The following SRP72 variants were observed in gnomAD, a reference collection of about 807,000 sequenced individuals.
The protein encoded by SRP72 is signal recognition particle 72, also known as signal recognition particle subunit SRP72.
Under a neutral mutation model 96.3 loss-of-function variants are expected in SRP72, and 49 were observed. That is an observed-to-expected ratio of 0.51 (90% CI 0.40 to 0.65). The LOEUF is 0.65. Among genes scored for constraint, SRP72 ranks in the 30% least tolerant of loss-of-function variants. The pLI is 0.00. For synonymous variants in SRP72, 267 were observed against 275.2 expected (o/e 0.97, Z 0.30); for missense variants, 736 against 793.3 (o/e 0.93, Z 0.87).
chr4:56,502,130 G>A lies in SRP72; in HGVS notation c.*269G>A. On this transcript the variant is annotated 3_prime_UTR_variant, in exon 19 of 19. Coordinates refer to ENST00000642900, the MANE Select transcript of SRP72 (RefSeq NM_006947.4). ...GGTATCTGTTGTATCCTTTATCTGT[G>A]TGTGCTGATTTGATCTTTTTTCAGT... is the stretch of plus-strand genomic sequence containing the variant. 2.7e-6 allele frequency: 1 copy of A among 370,198 alleles called. No individual in the cohort carries two copies. Among genetic ancestry groups the A allele is most frequent in the Non-Finnish European group, 5.1e-6 (1 of 196,396 alleles). The allele number at this position is 370,198 out of a possible 1,614,324, so 22.9% of individuals were successfully genotyped here. A position where few individuals can be genotyped will look rare whatever the true frequency, so the allele number is the denominator to read the frequency against.
intron 9 of SRP72, 42 bp downstream of exon 9, chr4:56,483,312 T>C: frequency 6.3e-7 from 1 of 1,587,314 alleles, no homozygotes; most frequent in South Asian, 1.1e-5. Flanking sequence ...CCTTTTGTAA[T>C]ATGGTATATG....
intron 16 of SRP72, among the ~76,000 whole-genome samples, chr4:56,491,892 G>T (rs1049161751): frequency 5.9e-5 from 9 of 151,798 alleles, no homozygotes; most frequent in African/African-American, 2.2e-4. Context: ...ACAGAGTCTT[G>T]CTCTGTCTCC....
chr4:56,477,578 C>T (rs1720297505), intron 6 of SRP72, among the ~76,000 whole-genome samples: 1 of 152,118 alleles, frequency 6.6e-6, no homozygotes, highest in Non-Finnish European at 1.5e-5. Context: ...CAGGCGTGAA[C>T]CACCATGCCC....
Position 56,489,445 on chromosome 4 carries a change from G to T in SRP72, c.1282G>T (p.Val428Phe), listed in dbSNP as rs1444933205. The T allele has an allele frequency of 1.9e-6, 3 of 1,601,440 alleles. No individual in the cohort carries two copies. The highest frequency in any genetic ancestry group is 1.7e-6 in the Non-Finnish European group (2 of 1,171,448). The change falls in exon 13 of 19, where the codon GTC (valine) becomes TTC (phenylalanine). Residue 428 changes from valine (V) to phenylalanine (F), a missense_variant. Val to Phe is a conservative substitution (Grantham distance 50). Coordinates refer to ENST00000642900, the MANE Select transcript of SRP72 (RefSeq NM_006947.4). The stretch of plus-strand genomic sequence containing the variant: ...AGAAGATATTGATAGTGCCATTGAG[G>T]TCTTCACACAAGCTATCCAGTGGTA... ...HEEDIDSAIEVFTQAIQWYQN... is the reference protein window; with the variant it reads ...HEEDIDSAIEFFTQAIQWYQN...
chr4:56,491,443 C>T lies in SRP72; in HGVS notation c.1515C>T (p.His505=), dbSNP rs746949663. 13 of 1,613,708 alleles carry T rather than the reference C, an allele frequency of 8.1e-6. No homozygotes were observed. The highest frequency in any genetic ancestry group is 2.2e-5 in the South Asian group (2 of 91,038). ...TGTTCTATCACAGTCTTAGTAAACA[C>T]TTGCCATCGTCAGATAGTATGTCTC... is the stretch of plus-strand genomic sequence containing the variant. ...DPEKAKALSK[H]LPSSDSMSLK... The change falls in exon 16 of 19, where the codon CAC becomes CAT. Residue 505 remains histidine (H), a synonymous_variant. Coordinates refer to ENST00000642900, the MANE Select transcript of SRP72 (RefSeq NM_006947.4).
intron 1 of SRP72, 27 bp downstream of exon 1, chr4:56,467,771 G>A (rs756109280): frequency 8.4e-6 from 12 of 1,434,022 alleles, no homozygotes; most frequent in Non-Finnish European, 1.1e-5. Flanking sequence ...GCACTGGGGC[G>A]GGCCCAGGCC....
intron 1 of SRP72, among the ~76,000 whole-genome samples, chr4:56,468,970 C>G (rs191694095): frequency 4.6e-5 from 7 of 152,282 alleles, no homozygotes; most frequent in Middle Eastern, 3.4e-3. Context: ...TAACACCGAA[C>G]AGTTGTTAGC....
chr4:56,468,216 C>T (rs1425816739), intron 1 of SRP72, among the ~76,000 whole-genome samples: 1 of 152,118 alleles, frequency 6.6e-6, no homozygotes, highest in Admixed American at 6.5e-5. Context: ...GAGGCTGGTG[C>T]TAACCAGGTG....
chr4:56,487,281 A>C (rs1720747241), intron 11 of SRP72, among the ~76,000 whole-genome samples: 1 of 152,136 alleles, frequency 6.6e-6, no homozygotes, highest in Non-Finnish European at 1.5e-5. Context: ...GTAGGGCAAT[A>C]ATGAAAATAA....
In SRP72 at chr4:56,475,378, T is replaced by A. The variant is rs530200781; in HGVS notation, c.610+987T>A. Reference sequence around the variant, plus strand: ...TTCAAGACCAGCCTGGGTAATATAGTAAGCCTTCGTTTTTACAAAAAAAAA... The same window carrying A: ...TTCAAGACCAGCCTGGGTAATATAGAAAGCCTTCGTTTTTACAAAAAAAAA... On this transcript the variant is annotated intron_variant, in intron 5 of 18. Coordinates refer to ENST00000642900, the MANE Select transcript of SRP72 (RefSeq NM_006947.4). Among the ~76,000 whole-genome samples, 14 of 149,324 alleles carry A rather than the reference T, an allele frequency of 9.4e-5. No homozygotes were observed. The South Asian group carries it at 2.1e-3, about 23-fold the overall frequency.
Position 56,502,755 on chromosome 4 carries a change from A to T in SRP72, c.*894A>T, listed in dbSNP as rs1477859820. ...GAGAAGAAATCAGTATCTGAGTTGC[A>T]TACCAGGCAGTATTAAAATCTAACA... On this transcript the variant is annotated 3_prime_UTR_variant, in exon 19 of 19. Transcript: ENST00000642900. 6.6e-6 allele frequency: 1 copy of T among 152,132 alleles called. No homozygotes were observed. Among genetic ancestry groups the T allele is most frequent in the Admixed American group, 6.6e-5 (1 of 15,258 alleles). 9.4% of individuals were successfully genotyped at this position (152,132 alleles called of 1,614,324 possible).
chr4:56,483,019 G>A, intron 8 of SRP72, 120 bp from the exon 9 acceptor site: 2 of 821,596 alleles, frequency 2.4e-6, no homozygotes, highest in Non-Finnish European at 1.9e-6. Context: ...TATTAGCTTA[G>A]GCACCCCAAT....
At chr4:56,481,218 A>C (rs569170831) in intron 8 of SRP72, among the ~76,000 whole-genome samples, 2 of 152,356 alleles carry the variant, frequency 1.3e-5, no homozygotes, top group South Asian at 4.1e-4. Context: ...AAGAAAAAGT[A>C]GAATTTATTT....
At chr4:56,485,591 A>G (rs961022312) in intron 10 of SRP72, among the ~76,000 whole-genome samples, 2 of 152,078 alleles carry the variant, frequency 1.3e-5, no homozygotes, top group African/African-American at 2.4e-5. Context: ...ATCTGAGGTC[A>G]GGAGTTCAAG....
At chr4:56,487,418 T>C (rs1223898151) in intron 11 of SRP72, among the ~76,000 whole-genome samples, 1 of 152,136 alleles carries the variant, frequency 6.6e-6, no homozygotes, top group African/African-American at 2.4e-5. Flanking sequence ...TCCTCCTATG[T>C]TTAGTTTATT....
Position 56,483,119 on chromosome 4 carries a change from G to A in SRP72, c.826-20G>A, listed in dbSNP as rs371202952. On this transcript the variant is annotated intron_variant, in intron 8 of 18. Coordinates refer to ENST00000642900, the MANE Select transcript of SRP72 (RefSeq NM_006947.4). The stretch of plus-strand genomic sequence containing the variant: ...GAAATCTGAGATTCTGTTAATGATA[G>A]ATAAACTTTTCTTTGTTAGGACCAA... The A allele has an allele frequency of 2.8e-4, 444 of 1,603,454 alleles. 1 individual carries two copies. Among genetic ancestry groups the A allele is most frequent in the Non-Finnish European group, 3.5e-4 (414 of 1,175,650 alleles).
intron 1 of SRP72, among the ~76,000 whole-genome samples, chr4:56,469,428 T>G (rs1385781481): frequency 6.6e-6 from 1 of 152,230 alleles, no homozygotes; most frequent in Non-Finnish European, 1.5e-5. Flanking sequence ...ATTGAAAATT[T>G]AATCTATAAC....
In SRP72 at chr4:56,502,483, GTATATATATATACATA is replaced by G. The variant is rs1721297486; in HGVS notation, c.*635_*650del. The G allele has an allele frequency of 1.1e-5, 1 of 91,098 alleles. No homozygotes were observed. Among genetic ancestry groups the G allele is most frequent in the Admixed American group, 1.2e-4 (1 of 8,234 alleles). The allele number at this position is 91,098 out of a possible 1,614,324, so 5.6% of individuals were successfully genotyped here. ...TTCATGTTTATATATATATATATATGTATATATATATACATATATATATATATATAAACATGAAATA... is the reference window on the plus strand; with the variant it reads ...TTCATGTTTATATATATATATATATGTATATATATATATAAACATGAAATA... On this transcript the variant is annotated 3_prime_UTR_variant, in exon 19 of 19. Transcript: ENST00000642900.
chr4:56,474,224 C>T (rs754791575), intron 4 of SRP72, 27 bp downstream of exon 4: 1 of 1,613,710 alleles, frequency 6.2e-7, no homozygotes, highest in Non-Finnish European at 8.5e-7. Flanking sequence ...TGTACCCATA[C>T]AGTCATGAAT....
Sources: allele counts gnomAD v4.1 joint callset (sites outside exome capture counted in the v4.1 genomes callset), GRCh38; gene constraint gnomAD v4.1.1; transcripts MANE v1.5; gene names NCBI Gene and HGNC (gene_info 2026-07-23, HGNC 2026-07-21).